EIF3L: variants seen among roughly 807,000 people sequenced by gnomAD.
EIF3L encodes eIEF associated protein HSPC021.
EIF3L carries 32 observed loss-of-function variants against 74.6 expected under a neutral mutation model. The observed-to-expected ratio is 0.43, with a 90% confidence interval of 0.32 to 0.58. The LOEUF (loss-of-function observed/expected upper bound fraction) is 0.58. Among genes scored for constraint, EIF3L ranks in the 20% least tolerant of loss-of-function variants. The pLI is 0.06. For synonymous variants in EIF3L, 256 were observed against 254.4 expected, an observed-to-expected ratio of 1.01 and a Z score of -0.06; for missense variants, 474 against 707.8, an observed-to-expected ratio of 0.67 and a Z score of 3.75.
chr22:37,851,803 C>T (rs975331779), intron 3 of EIF3L, among the ~76,000 whole-genome samples: 10 of 152,146 alleles, frequency 6.6e-5, no homozygotes, highest in African/African-American at 2.4e-4. Flanking sequence ...GTAGCTGGGA[C>T]TACAGGCATG....
chr22:37,854,353 G>A (rs1925384362), intron 3 of EIF3L, among the ~76,000 whole-genome samples: 1 of 152,216 alleles, frequency 6.6e-6, no homozygotes, highest in Non-Finnish European at 1.5e-5. Context: ...AATGTCAGTA[G>A]AGTGATGGAA....
At chr22:37,877,599 T>G in intron 10 of EIF3L, 75 bp from the exon 11 acceptor site, 1 of 1,502,722 alleles carries the variant, frequency 6.7e-7, no homozygotes, top group Non-Finnish European at 8.9e-7. Context: ...CAGAGAATGG[T>G]GAGGCCAGTT....
chr22:37,870,949 A>T (rs902033751), intron 8 of EIF3L, among the ~76,000 whole-genome samples: 2 of 151,928 alleles, frequency 1.3e-5, no homozygotes, highest in Non-Finnish European at 2.9e-5. Context: ...ATATAGTGAG[A>T]CTTTGTCTCA....
chr22:37,874,721 T>G (rs1926653831), intron 9 of EIF3L, among the ~76,000 whole-genome samples, 197 bp downstream of exon 9: 1 of 151,968 alleles, frequency 6.6e-6, no homozygotes. Flanking sequence ...TAACAACAGT[T>G]TTTTATTTTG....
intron 5 of EIF3L, among the ~76,000 whole-genome samples, chr22:37,859,726 G>C (rs537266275): frequency 6.6e-6 from 1 of 151,738 alleles, no homozygotes; most frequent in East Asian, 2.0e-4. Context: ...ACTATTTAAG[G>C]CTGGGCGCGG....
rs6000911 is a variant in EIF3L, at chr22:37,854,043, C to T, written c.294-1522C>T. Among the ~76,000 whole-genome samples, 899 of 152,318 alleles carry T rather than the reference C, an allele frequency of 5.9e-3. 8 individuals carry two copies. Among genetic ancestry groups the T allele is most frequent in the African/African-American group, 0.02 (841 of 41,554 alleles). ...GGGCAGTGCCCGCAGATACAGATGACAGTTGAAGCCAAGCATCTTGTAAGT... is the reference window on the plus strand; with the variant it reads ...GGGCAGTGCCCGCAGATACAGATGATAGTTGAAGCCAAGCATCTTGTAAGT... On this transcript the variant is annotated intron_variant, in intron 3 of 12. Transcript: ENST00000652021.
In EIF3L at chr22:37,875,996, G is replaced by A. The variant is rs772797189; in HGVS notation, c.1062G>A (p.Thr354=). 5.0e-6 allele frequency: 8 copies of A among 1,613,752 alleles called. No homozygotes were observed. In the South Asian group the frequency reaches 7.7e-5, roughly 16 times the overall value. The part of the protein sequence containing the change: ...QRTKSMFQRT[T]YKYEMINKQN... ...CCAAGAGCATGTTCCAGAGGACCAC[G>A]TACAAGTATGAGATGGTAAGGGGGA... The change falls in exon 10 of 13, where the codon ACG becomes ACA. Residue 354 remains threonine (T), a synonymous_variant. Coordinates refer to ENST00000652021, the MANE Select transcript of EIF3L (RefSeq NM_016091.4).
rs1926853963 is a variant in EIF3L at position 37,878,174 on chromosome 22, A to T, written c.1575+3A>T. On this transcript the variant is annotated splice_donor_region_variant and intron_variant, in intron 11 of 12. Coordinates refer to ENST00000652021, the MANE Select transcript of EIF3L (RefSeq NM_016091.4). ...AGGTTGACTTCTACATTGATAAGGT[A>T]TGCCTGTCCCCTGGGCTTGGGGTCT... is the stretch of plus-strand genomic sequence containing the variant. 6.3e-7 allele frequency: 1 copy of T among 1,594,286 alleles called. No individual in the cohort carries two copies. Among genetic ancestry groups the T allele is most frequent in the Non-Finnish European group, 8.6e-7 (1 of 1,168,420 alleles).
chr22:37,868,937 C>T (rs1359983183), intron 7 of EIF3L, among the ~76,000 whole-genome samples: 1 of 151,554 alleles, frequency 6.6e-6, no homozygotes, highest in Non-Finnish European at 1.5e-5. Context: ...CCACCGCACC[C>T]GGCCTGTTTT....
At chr22:37,874,088 G>A (rs528890647) in intron 8 of EIF3L, among the ~76,000 whole-genome samples, 4 of 152,150 alleles carry the variant, frequency 2.6e-5, no homozygotes, top group South Asian at 2.1e-4. Flanking sequence ...AGGAGTCTTC[G>A]TGGTTGTATT....
At chr22:37,877,577 CAAAG>C (rs1416580595) in intron 10 of EIF3L, 93 bp from the exon 11 acceptor site, 20 of 1,424,474 alleles carry the variant, frequency 1.4e-5, no homozygotes, top group Non-Finnish European at 1.8e-5. Context: ...CTGGGTAAGT[CAAAG>C]ATCTGTGCAG....
At chr22:37,849,652 T>C (rs747882060) in intron 1 of EIF3L, 170 bp downstream of exon 1, 4 of 733,524 alleles carry the variant, frequency 5.5e-6, no homozygotes, top group African/African-American at 1.8e-5. Context: ...ACCCTGGCTC[T>C]GCCCGCCCAC....
Position 37,888,515 on chromosome 22 carries a change from G to T in EIF3L, c.*51G>T. ...TGTTTTGATGTATTATAGGCAGGAA[G>T]TGTTTTTGCTACCGTGAAACCTTTA... On this transcript the variant is annotated 3_prime_UTR_variant, in exon 13 of 13. Transcript: ENST00000652021. 6.3e-7 allele frequency: 1 copy of T among 1,595,214 alleles called. No individual in the cohort carries two copies. Among genetic ancestry groups the T allele is most frequent in the Non-Finnish European group, 8.6e-7 (1 of 1,165,412 alleles).
At chr22:37,852,645 C>T (rs1205237948) in intron 3 of EIF3L, among the ~76,000 whole-genome samples, 1 of 152,028 alleles carries the variant, frequency 6.6e-6, no homozygotes, top group Non-Finnish European at 1.5e-5. Context: ...TTTGAAAGAG[C>T]TGATTGTAGT....
At chr22:37,854,920 C>T (rs181877339) in intron 3 of EIF3L, among the ~76,000 whole-genome samples, 5 of 151,932 alleles carry the variant, frequency 3.3e-5, no homozygotes, top group African/African-American at 1.2e-4. Flanking sequence ...AGATTACAGG[C>T]GTGAGCCATC....
At position 37,888,778 on chromosome 22, in the gene EIF3L, T is replaced by G. The variant is rs543098568; in HGVS notation, c.*314T>G. 2.2e-5 allele frequency: 7 copies of G among 318,338 alleles called. No individual in the cohort carries two copies. In the East Asian group the frequency reaches 4.4e-4, roughly 20 times the overall value. The allele number at this position is 318,338 out of a possible 1,614,324, so 19.7% of individuals were successfully genotyped here. On this transcript the variant is annotated 3_prime_UTR_variant, in exon 13 of 13. Coordinates refer to ENST00000652021, the MANE Select transcript of EIF3L (RefSeq NM_016091.4). ...GTGCTTTTGAGATGGAGTCTCACTCTGTCTCCCAGGCTGGAGTGCAGTAGC... is the reference window on the plus strand; with the variant it reads ...GTGCTTTTGAGATGGAGTCTCACTCGGTCTCCCAGGCTGGAGTGCAGTAGC...
intron 8 of EIF3L, among the ~76,000 whole-genome samples, chr22:37,872,514 AT>A (rs1212337782): frequency 1.3e-5 from 2 of 152,196 alleles, no homozygotes; most frequent in African/African-American, 4.8e-5. Flanking sequence ...AAAAAGTCAG[AT>A]TTGTTACTTT....
chr22:37,884,550 A>C (rs1333977264), intron 11 of EIF3L: 2 of 152,198 alleles, frequency 1.3e-5, no homozygotes, highest in Non-Finnish European at 2.9e-5. Context: ...GGTTTTTGCC[A>C]TAAGTTAGCT....
At chr22:37,850,668 T>A (rs926440829) in intron 2 of EIF3L, 6 of 162,922 alleles carry the variant, frequency 3.7e-5, no homozygotes, top group African/African-American at 1.4e-4. Flanking sequence ...GTGAAAAATT[T>A]AAGTAATTCA....
Sources: gnomAD v4.1 joint callset for allele counts (sites outside exome capture counted in the v4.1 genomes callset) on GRCh38, gnomAD v4.1.1 for gene constraint, MANE v1.5 for transcripts, NCBI Gene and HGNC (gene_info 2026-07-23, HGNC 2026-07-21) for gene names.